UHRF2: variants seen among roughly 807,000 people sequenced by gnomAD.
UHRF2 encodes the protein E3 ubiquitin-protein ligase UHRF2.
Under a neutral mutation model 96.8 loss-of-function variants are expected in UHRF2, and 23 were observed. The observed-to-expected ratio is 0.24, with a 90% CI of 0.17 to 0.34. The LOEUF (loss-of-function observed/expected upper bound fraction) is 0.34, where lower values mean the gene tolerates loss of function less well. Among genes scored for constraint, UHRF2 ranks in the 10% least tolerant of loss-of-function variants. UHRF2 has a pLI of 1.00. For missense variants in UHRF2, 685 were observed against 981.5 expected, an observed-to-expected ratio of 0.70 and a Z score of 4.04; for synonymous variants, 385 against 332.6, an observed-to-expected ratio of 1.16 and a Z score of -1.72.
intron 14 of UHRF2, among the ~76,000 whole-genome samples, chr9:6,504,051 A>T (rs1385303541): frequency 8.9e-6 from 1 of 112,852 alleles, no homozygotes; most frequent in South Asian, 2.9e-4. Flanking sequence ...TTTAAGACCG[A>T]GTCTCGCTCT....
At chr9:6,459,925 AT>A (rs756110169) in intron 3 of UHRF2, among the ~76,000 whole-genome samples, 17 of 152,206 alleles carry the variant, frequency 1.1e-4, no homozygotes, top group Non-Finnish European at 2.4e-4. Context: ...GTGAGCTATT[AT>A]CGTGTCACTG....
At chr9:6,456,814 G>C (rs1302861703) in intron 3 of UHRF2, among the ~76,000 whole-genome samples, 2 of 152,020 alleles carry the variant, frequency 1.3e-5, no homozygotes, top group African/African-American at 4.8e-5. Flanking sequence ...TCTTGTTTTT[G>C]TCAGGATTGT....
chr9:6,453,025 C>G (rs1821964272), intron 3 of UHRF2, among the ~76,000 whole-genome samples: 1 of 151,994 alleles, frequency 6.6e-6, no homozygotes, highest in South Asian at 2.1e-4. Context: ...TTACTGTCTC[C>G]TTGGTTAGAA....
At chr9:6,503,914 C>G (rs368726369) in intron 14 of UHRF2, among the ~76,000 whole-genome samples, 1 of 149,080 alleles carries the variant, frequency 6.7e-6, no homozygotes, top group East Asian at 2.0e-4. Context: ...ACCCAATACT[C>G]TGATTTAAAA....
At chr9:6,482,591 G>C (rs1412049733) in intron 8 of UHRF2, among the ~76,000 whole-genome samples, 2 of 150,056 alleles carry the variant, frequency 1.3e-5, no homozygotes, top group African/African-American at 4.9e-5. Context: ...TATTAAATAA[G>C]AGGGGCCTTT....
chr9:6,447,461 G>A (rs1173030816), intron 3 of UHRF2, among the ~76,000 whole-genome samples: 1 of 152,110 alleles, frequency 6.6e-6, no homozygotes, highest in East Asian at 1.9e-4. Flanking sequence ...TAAAGGTAGA[G>A]GAGATATTTT....
intron 4 of UHRF2, among the ~76,000 whole-genome samples, chr9:6,469,651 A>G (rs12346455): frequency 0.32 from 48,206 of 151,190 alleles, 9,802 homozygotes; most frequent in African/African-American, 0.57. Flanking sequence ...ATAGGACTTG[A>G]TGAAAGGTGT....
At chr9:6,468,530 G>A (rs1823017207) in intron 4 of UHRF2, 2 of 455,930 alleles carry the variant, frequency 4.4e-6, no homozygotes, top group South Asian at 3.1e-5. Flanking sequence ...TGCCCCTAGG[G>A]AATCTGCTAA....
intron 3 of UHRF2, among the ~76,000 whole-genome samples, chr9:6,447,076 A>G (rs1015096755): frequency 2.6e-5 from 4 of 151,908 alleles, no homozygotes; most frequent in African/African-American, 9.7e-5. Flanking sequence ...TTTTTAGTAG[A>G]GATGGGGTTT....
intron 4 of UHRF2, among the ~76,000 whole-genome samples, chr9:6,467,576 C>G (rs1344178198): frequency 7.2e-6 from 1 of 139,042 alleles, no homozygotes; most frequent in Non-Finnish European, 1.5e-5. Context: ...TACGGTATTT[C>G]ATAGATTCCG....
chr9:6,427,719 G>A (rs1368068247), intron 2 of UHRF2, among the ~76,000 whole-genome samples: 2 of 152,018 alleles, frequency 1.3e-5, no homozygotes, highest in Admixed American at 1.3e-4. Context: ...GTTATTTATT[G>A]CTCAATATCA....
chr9:6,497,973 T>C, intron 11 of UHRF2, 45 bp from the exon 12 acceptor site: 1 of 1,604,016 alleles, frequency 6.2e-7, no homozygotes, highest in South Asian at 1.1e-5. Flanking sequence ...GATGAATAAG[T>C]CTAAATTTTA....
chr9:6,456,557 T>TTGGCTTC (rs1458566267), intron 3 of UHRF2, among the ~76,000 whole-genome samples: 1 of 152,260 alleles, frequency 6.6e-6, no homozygotes, highest in Non-Finnish European at 1.5e-5. Context: ...TTTGTCAATT[T>TTGGCTTC]TGGCTTCTGT....
At chr9:6,477,848 G>A (rs1305362087) in intron 6 of UHRF2, 40 bp downstream of exon 6, 2 of 1,503,546 alleles carry the variant, frequency 1.3e-6, no homozygotes, top group Non-Finnish European at 1.8e-6. Context: ...TTCTTGCTGT[G>A]TAAACATGAA....
At chr9:6,504,124 C>G (rs1219786340) in intron 14 of UHRF2, among the ~76,000 whole-genome samples, 1 of 144,152 alleles carries the variant, frequency 6.9e-6, no homozygotes, top group Non-Finnish European at 1.5e-5. Context: ...CTTCTTGGTT[C>G]ACTCCATTCT....
intron 6 of UHRF2, among the ~76,000 whole-genome samples, chr9:6,480,386 A>G (rs1408121163): frequency 6.6e-6 from 1 of 152,242 alleles, no homozygotes; most frequent in African/African-American, 2.4e-5. Flanking sequence ...CCAGCACGAA[A>G]ATAGTGCCTT....
At chr9:6,445,984 T>TGTTTTTTTTTG (rs58693786) in intron 3 of UHRF2, among the ~76,000 whole-genome samples, 1 of 127,810 alleles carries the variant, frequency 7.8e-6, no homozygotes, top group African/African-American at 3.0e-5. Flanking sequence ...CGCCACCCTT[T>TGTTTTTTTTTG]TTTTTTTTTT....
intron 9 of UHRF2, among the ~76,000 whole-genome samples, chr9:6,491,813 A>G (rs1398854612): frequency 1.3e-5 from 2 of 152,250 alleles, no homozygotes; most frequent in African/African-American, 4.8e-5. Context: ...TGTTTAGGCT[A>G]CTGCCTGCCA....
At position 6,420,909 on chromosome 9, in the gene UHRF2, T is replaced by C; in HGVS notation, c.154-3T>C. ...ATTTCACTATTCTTTCTTTATTTTCTAGTTGGAAAATGGATATACCTTATT... is the reference window on the plus strand; with the variant it reads ...ATTTCACTATTCTTTCTTTATTTTCCAGTTGGAAAATGGATATACCTTATT... On this transcript the variant is annotated splice_region_variant and splice_polypyrimidine_tract_variant and intron_variant, in intron 1 of 15. Coordinates refer to ENST00000276893, the MANE Select transcript of UHRF2 (RefSeq NM_152896.3). 6.2e-7 allele frequency: 1 copy of C among 1,604,676 alleles called. No homozygotes were observed. Among genetic ancestry groups the C allele is most frequent in the Non-Finnish European group, 8.5e-7 (1 of 1,171,484 alleles).
Sources: allele counts gnomAD v4.1 joint callset (sites outside exome capture counted in the v4.1 genomes callset), GRCh38; gene constraint gnomAD v4.1.1; transcripts MANE v1.5; gene names NCBI Gene and HGNC (gene_info 2026-07-23, HGNC 2026-07-21).